Variants in MMADHC observed in about 807,000 individuals in gnomAD.
The protein encoded by MMADHC is metabolism of cobalamin associated D.
MMADHC carries 23 observed loss-of-function variants against 36.3 expected under a neutral mutation model. That is an observed-to-expected ratio of 0.63 (90% confidence interval 0.46 to 0.90). The LOEUF is 0.90. Ranked by LOEUF, MMADHC falls within the 40% of genes least tolerant of loss-of-function variation. The probability of loss-of-function intolerance (pLI) is 0.00; values close to 1 mark genes in which losing one functional copy is unlikely to be tolerated. For missense variants in MMADHC, 330 were observed against 348.0 expected (o/e 0.95, Z 0.41); for synonymous variants, 97 against 116.1 (o/e 0.84, Z 1.06).
chr2:149,576,455 G>C lies in MMADHC; in HGVS notation c.460C>G (p.Pro154Ala). The change falls in exon 5 of 8, where the codon CCA (proline) becomes GCA (alanine). Residue 154 changes from proline (P) to alanine (A), a missense_variant. By Grantham distance (27) the Pro-to-Ala change is conservative (BLOSUM62 -1). Coordinates refer to ENST00000303319, the MANE Select transcript of MMADHC (RefSeq NM_015702.3). The part of the protein sequence containing the change: ...ARVECAIQTC[P>A]ELLRKDFESL... ...GACATACCTTTTCGCAGCAATTCTGGACATGTCTGTATTGCACACTCTACT... is the reference window on the plus strand; with the variant it reads ...GACATACCTTTTCGCAGCAATTCTGCACATGTCTGTATTGCACACTCTACT... 1 of 1,610,380 alleles carries C rather than the reference G, an allele frequency of 6.2e-7. No homozygotes were observed. The highest frequency in any genetic ancestry group is 2.2e-5 in the East Asian group (1 of 44,774).
intron 4 of MMADHC, among the ~76,000 whole-genome samples, chr2:149,578,598 G>A (rs1558847547): frequency 6.6e-6 from 1 of 152,124 alleles, no homozygotes; most frequent in Non-Finnish European, 1.5e-5. Context: ...CAAATGAGAA[G>A]GTGTAGGACA....
At chr2:149,578,228 C>T (rs1682744154) in intron 4 of MMADHC, among the ~76,000 whole-genome samples, 1 of 152,056 alleles carries the variant, frequency 6.6e-6, no homozygotes, top group African/African-American at 2.4e-5. Context: ...ATTGAAAGGA[C>T]ACTAATATTT....
At chr2:149,584,758 T>C (rs750911998) in intron 2 of MMADHC, among the ~76,000 whole-genome samples, 7 of 152,116 alleles carry the variant, frequency 4.6e-5, no homozygotes, top group South Asian at 2.1e-4. Flanking sequence ...TGTGAGATTC[T>C]CAAATCTTGG....
chr2:149,585,854 CTTCT>C (rs561000311), intron 2 of MMADHC, among the ~76,000 whole-genome samples: 158 of 152,176 alleles, frequency 1.0e-3, no homozygotes, highest in Non-Finnish European at 1.8e-3. Flanking sequence ...TTAATATGAA[CTTCT>C]TTCTAACAAA....
At chr2:149,584,972 GC>G (rs1370338775) in intron 2 of MMADHC, among the ~76,000 whole-genome samples, 29 of 151,072 alleles carry the variant, frequency 1.9e-4, no homozygotes, top group African/African-American at 6.8e-4. Context: ...GAACCCAGGA[GC>G]CAGGATTTCA....
At chr2:149,584,506 T>C (rs1682835411) in intron 2 of MMADHC, among the ~76,000 whole-genome samples, 1 of 152,150 alleles carries the variant, frequency 6.6e-6, no homozygotes, top group Non-Finnish European at 1.5e-5. Context: ...ATTTCAAAAA[T>C]CGCCTATTAT....
intron 6 of MMADHC, among the ~76,000 whole-genome samples, chr2:149,572,702 A>G (rs1437438575): frequency 6.6e-6 from 1 of 152,136 alleles, no homozygotes; most frequent in African/African-American, 2.4e-5. Context: ...CTCCTGAGTT[A>G]GTCTGCAGAA....
intron 4 of MMADHC, among the ~76,000 whole-genome samples, chr2:149,578,543 T>TA (rs1682748652): frequency 6.6e-6 from 1 of 152,076 alleles, no homozygotes; most frequent in African/African-American, 2.4e-5. Flanking sequence ...TATAAAAACA[T>TA]AGACTGTGGA....
intron 2 of MMADHC, among the ~76,000 whole-genome samples, chr2:149,583,750 A>G (rs1417066848): frequency 6.6e-6 from 1 of 152,156 alleles, no homozygotes; most frequent in African/African-American, 2.4e-5. Flanking sequence ...CTTTGTCACT[A>G]TGAGTGCATC....
In MMADHC at chr2:149,576,555, A is replaced by C. The variant is rs373997832; in HGVS notation, c.373-13T>G. 7 of 1,557,400 alleles carry C rather than the reference A, an allele frequency of 4.5e-6. No individual in the cohort carries two copies. Among genetic ancestry groups the C allele is most frequent in the Non-Finnish European group, 6.2e-6 (7 of 1,128,682 alleles). Reference sequence around the variant, plus strand: ...GTGCATCATTACCCTAAGGGGAACAAGGATATAAGTCAACAAAATCTGGAG... The same window carrying C: ...GTGCATCATTACCCTAAGGGGAACACGGATATAAGTCAACAAAATCTGGAG... On this transcript the variant is annotated splice_polypyrimidine_tract_variant and intron_variant, in intron 4 of 7. Coordinates refer to ENST00000303319, the MANE Select transcript of MMADHC (RefSeq NM_015702.3).
intron 6 of MMADHC, among the ~76,000 whole-genome samples, chr2:149,571,779 CAAAAAAAAAAGA>C (rs1281548020): frequency 1.7e-5 from 1 of 57,612 alleles, no homozygotes; most frequent in East Asian, 6.3e-4. Context: ...GACTCCATCT[CAAAAAAAAAAGA>C]AAAAAAAAAA....
At chr2:149,586,616 G>A (rs971155781) in intron 2 of MMADHC, among the ~76,000 whole-genome samples, 2 of 152,044 alleles carry the variant, frequency 1.3e-5, no homozygotes, top group African/African-American at 4.8e-5. Flanking sequence ...TCTATAGATA[G>A]GATGTGTCTA....
intron 6 of MMADHC, chr2:149,572,176 A>C (rs1682650023): frequency 2.4e-6 from 1 of 416,828 alleles, no homozygotes; most frequent in African/African-American, 2.1e-5. Context: ...CCAGATTACA[A>C]TGTTGAAATA....
At position 149,579,613 on chromosome 2, in the gene MMADHC, G is replaced by A. The variant is rs138571795; in HGVS notation, c.190C>T (p.Pro64Ser). The change falls in exon 4 of 8, where the codon CCC (proline) becomes TCC (serine). Residue 64 changes from proline to serine, a missense_variant. By Grantham distance (74) the Pro-to-Ser change is moderately conservative. Coordinates refer to ENST00000303319, the MANE Select transcript of MMADHC (RefSeq NM_015702.3). ...AACCTCTGATCTTGAGGTCCAAAGGGTCCCATAGTTTCATCAGGCCACACT... is the reference window on the plus strand; with the variant it reads ...AACCTCTGATCTTGAGGTCCAAAGGATCCCATAGTTTCATCAGGCCACACT... ...RTVWPDETMG[P>S]FGPQDQRFQL... 83 of 1,613,806 alleles carry A rather than the reference G, an allele frequency of 5.1e-5. No homozygotes were observed. The highest frequency in any genetic ancestry group is 6.7e-5 in the Non-Finnish European group (79 of 1,179,964).
At chr2:149,570,283 T>G in intron 7 of MMADHC, 115 bp from the exon 8 acceptor site, 1 of 926,800 alleles carries the variant, frequency 1.1e-6, no homozygotes, top group East Asian at 2.6e-5. Context: ...AAAAACTAAA[T>G]AAGTAAAAAG....
At chr2:149,581,944 C>T (rs536821253) in intron 3 of MMADHC, among the ~76,000 whole-genome samples, 183 bp downstream of exon 3, 11 of 74,580 alleles carry the variant, frequency 1.5e-4, no homozygotes, top group African/African-American at 3.2e-4. Context: ...CCAGTACTTA[C>T]TCTTTTTTCA....
At chr2:149,586,574 TTA>T (rs1398710527) in intron 2 of MMADHC, among the ~76,000 whole-genome samples, 2 of 152,198 alleles carry the variant, frequency 1.3e-5, no homozygotes, top group African/African-American at 2.4e-5. Context: ...GTAGCTGTTT[TTA>T]TATATGTCTT....
At chr2:149,584,106 C>T (rs1342158686) in intron 2 of MMADHC, among the ~76,000 whole-genome samples, 1 of 152,164 alleles carries the variant, frequency 6.6e-6, no homozygotes, top group Non-Finnish European at 1.5e-5. Flanking sequence ...TTTTTACTTA[C>T]TAAACAAACT....
At chr2:149,577,309 A>G (rs1256511492) in intron 4 of MMADHC, among the ~76,000 whole-genome samples, 1 of 152,198 alleles carries the variant, frequency 6.6e-6, no homozygotes, top group Non-Finnish European at 1.5e-5. Context: ...GGAATTCAGG[A>G]GGAAAAATAG....
Sources: allele counts gnomAD v4.1 joint callset (sites outside exome capture counted in the v4.1 genomes callset), GRCh38; gene constraint gnomAD v4.1.1; transcripts MANE v1.5; gene names NCBI Gene and HGNC (gene_info 2026-07-23, HGNC 2026-07-21).